Variants in PLCB1 observed in about 807,000 individuals in gnomAD.
The protein encoded by PLCB1 is 1-phosphatidylinositol 4,5-bisphosphate phosphodiesterase beta-1.
Under a neutral mutation model 161.8 loss-of-function variants are expected in PLCB1, and 46 were observed. The observed-to-expected ratio is 0.28, with a 90% CI of 0.22 to 0.36. The LOEUF (loss-of-function observed/expected upper bound fraction) is 0.36, where lower values mean the gene tolerates loss of function less well. PLCB1 is among the 10% of genes least tolerant of loss of function. The pLI is 1.00. For synonymous variants in PLCB1, 517 were observed against 503.7 expected (o/e 1.03, Z -0.35); for missense variants, 1,016 against 1,472.5 (o/e 0.69, Z 5.07).
intron 2 of PLCB1, among the ~76,000 whole-genome samples, chr20:8,270,123 A>T (rs1212841646): frequency 1.3e-5 from 2 of 152,146 alleles, no homozygotes; most frequent in Non-Finnish European, 2.9e-5. Flanking sequence ...CAAAACAGCC[A>T]TTTCTTCTTA....
At chr20:8,408,177 G>A (rs1978869694) in intron 3 of PLCB1, among the ~76,000 whole-genome samples, 1 of 152,182 alleles carries the variant, frequency 6.6e-6, no homozygotes, top group South Asian at 2.1e-4. Flanking sequence ...AGTTTCCCCT[G>A]TTGTAGAAGG....
chr20:8,477,119 A>C (rs189911284), intron 3 of PLCB1, among the ~76,000 whole-genome samples: 2 of 152,288 alleles, frequency 1.3e-5, no homozygotes, highest in East Asian at 3.9e-4. Flanking sequence ...GCATGAATCT[A>C]ATGAGTAGTC....
intron 4 of PLCB1, among the ~76,000 whole-genome samples, chr20:8,635,624 A>G (rs60453620): frequency 0.14 from 22,009 of 152,102 alleles, 1,581 homozygotes; most frequent in Middle Eastern, 0.21. Flanking sequence ...CCCAGCAGTT[A>G]CTCCACGCTT....
intron 4 of PLCB1, among the ~76,000 whole-genome samples, chr20:8,633,944 T>C (rs531755872): frequency 6.6e-6 from 1 of 152,336 alleles, no homozygotes; most frequent in South Asian, 2.1e-4. Flanking sequence ...GATTCTTCTA[T>C]ATTTTCTGTG....
chr20:8,684,806 T>C, intron 9 of PLCB1, 126 bp from the exon 10 acceptor site: 1 of 613,584 alleles, frequency 1.6e-6, no homozygotes, highest in South Asian at 2.4e-5. Flanking sequence ...ACACTCTTAT[T>C]TATCCATACT....
intron 3 of PLCB1, among the ~76,000 whole-genome samples, chr20:8,602,827 G>A (rs1188324668): frequency 1.3e-5 from 2 of 152,206 alleles, no homozygotes; most frequent in African/African-American, 4.8e-5. Flanking sequence ...GAATATGTTA[G>A]TTGAGAAAGT....
intron 2 of PLCB1, among the ~76,000 whole-genome samples, chr20:8,310,926 A>AT (rs1472346620): frequency 1.3e-5 from 2 of 152,126 alleles, no homozygotes; most frequent in African/African-American, 4.8e-5. Flanking sequence ...GCTGCATAGT[A>AT]TTCTATGGTG....
chr20:8,877,632 G>A (rs113861135), intron 31 of PLCB1, among the ~76,000 whole-genome samples: 348 of 152,300 alleles, frequency 2.3e-3, no homozygotes, highest in Admixed American at 5.4e-3. Context: ...CAACCCTTGG[G>A]CTGGAATAGC....
intron 31 of PLCB1, among the ~76,000 whole-genome samples, chr20:8,794,955 C>T (rs1272059659): frequency 6.6e-6 from 1 of 152,192 alleles, no homozygotes; most frequent in Non-Finnish European, 1.5e-5. Context: ...CAAAGTGTGA[C>T]TTTGCTAGCA....
chr20:8,744,616 T>TAAATAAAATAAAATAA (rs1981058555), intron 23 of PLCB1, among the ~76,000 whole-genome samples: 1 of 121,222 alleles, frequency 8.2e-6, no homozygotes, highest in African/African-American at 3.2e-5. Context: ...AAAAATAAAA[T>TAAATAAAATAAAATAA]AAATAAAATA....
At chr20:8,139,181 G>T (rs559445738) in intron 1 of PLCB1, among the ~76,000 whole-genome samples, 8 of 146,672 alleles carry the variant, frequency 5.5e-5, no homozygotes, top group Admixed American at 5.0e-4. Context: ...TCTGCAGCCG[G>T]GTTCAAGCTA....
chr20:8,825,937 G>A (rs1985673419), intron 31 of PLCB1, among the ~76,000 whole-genome samples: 1 of 152,152 alleles, frequency 6.6e-6, no homozygotes, highest in Admixed American at 6.5e-5. Flanking sequence ...GAATTGCCTA[G>A]ACATGTGGTT....
chr20:8,861,992 G>A (rs946904533), intron 31 of PLCB1, among the ~76,000 whole-genome samples: 3 of 152,038 alleles, frequency 2.0e-5, no homozygotes, highest in African/African-American at 7.2e-5. Context: ...TAATGCAGAA[G>A]ACTTTTCTTT....
At chr20:8,660,662 T>C (rs1366314631) in intron 9 of PLCB1, among the ~76,000 whole-genome samples, 1 of 152,164 alleles carries the variant, frequency 6.6e-6, no homozygotes. Context: ...TGATTTTGAT[T>C]CTAATGGAAA....
At chr20:8,477,582 C>G (rs1267760049) in intron 3 of PLCB1, among the ~76,000 whole-genome samples, 1 of 152,130 alleles carries the variant, frequency 6.6e-6, no homozygotes, top group African/African-American at 2.4e-5. Context: ...TTATTTAGTT[C>G]GTGGTTCTGC....
At chr20:8,351,334 T>G (rs1452732263) in intron 2 of PLCB1, among the ~76,000 whole-genome samples, 2 of 151,946 alleles carry the variant, frequency 1.3e-5, no homozygotes, top group African/African-American at 4.8e-5. Context: ...ACAAAAAAAA[T>G]TAACTCAAAA....
intron 3 of PLCB1, among the ~76,000 whole-genome samples, chr20:8,483,184 A>G (rs1982579372): frequency 6.6e-6 from 1 of 152,150 alleles, no homozygotes; most frequent in Non-Finnish European, 1.5e-5. Flanking sequence ...TCTCTCTCTA[A>G]TTCTATTGTA....
At chr20:8,344,327 A>T (rs906187368) in intron 2 of PLCB1, among the ~76,000 whole-genome samples, 1 of 152,178 alleles carries the variant, frequency 6.6e-6, no homozygotes, top group Non-Finnish European at 1.5e-5. Flanking sequence ...AGTTTGTGCC[A>T]ACTGGGCACC....
intron 3 of PLCB1, among the ~76,000 whole-genome samples, chr20:8,379,704 G>A (rs1232968957): frequency 6.6e-6 from 1 of 152,206 alleles, no homozygotes; most frequent in African/African-American, 2.4e-5. Context: ...AATGATCAGT[G>A]ATGTTGAGCT....
Sources: gnomAD v4.1 joint callset for allele counts (sites outside exome capture counted in the v4.1 genomes callset) on GRCh38, gnomAD v4.1.1 for gene constraint, MANE v1.5 for transcripts, NCBI Gene and HGNC (gene_info 2026-07-23, HGNC 2026-07-21) for gene names.